Variants in EFNB1 observed in about 807,000 individuals in gnomAD.
EFNB1 encodes ephrin-B1.
A neutral mutation model predicts 18.1 loss-of-function variants in EFNB1; 1 was observed. The ratio of observed to expected loss-of-function variants is 0.06; its 90% CI spans 0.02 to 0.26. The LOEUF (loss-of-function observed/expected upper bound fraction) is 0.26, where lower values mean the gene tolerates loss of function less well. Among genes scored for constraint, EFNB1 ranks in the 10% least tolerant of loss-of-function variants. EFNB1 has a pLI of 1.00. For synonymous variants in EFNB1, 131 were observed against 127.5 expected (o/e 1.03, Z -0.19); for missense variants, 221 against 301.8 (o/e 0.73, Z 1.98).
At chrX:68,839,030 G>C (rs1197599254) in intron 2 of EFNB1, 136 bp downstream of exon 2, 18 of 871,050 alleles carry the variant, frequency 2.1e-5, no homozygotes, top group Non-Finnish European at 2.9e-5. Flanking sequence ...CCCCTTTGAA[G>C]ACTGGCATGT....
chrX:68,829,771 G>T lies in EFNB1; in HGVS notation c.-6G>T. 8.4e-7 allele frequency: 1 copy of T among 1,190,320 alleles called. No individual in the cohort carries two copies. The highest frequency in any genetic ancestry group is 2.3e-5 in the Admixed American group (1 of 42,848). ...GGATCCCGAAGTGCAGTCTGCCCCCGGGAAGATGGCTCGGCCTGGGCAGCG... is the reference window on the plus strand; with the variant it reads ...GGATCCCGAAGTGCAGTCTGCCCCCTGGAAGATGGCTCGGCCTGGGCAGCG... On this transcript the variant is annotated 5_prime_UTR_variant, in exon 1 of 5. Coordinates refer to ENST00000204961, the MANE Select transcript of EFNB1 (RefSeq NM_004429.5).
intron 1 of EFNB1, among the ~76,000 whole-genome samples, chrX:68,835,762 ACT>A (rs1292300070): frequency 9.0e-6 from 1 of 110,639 alleles, no homozygotes; most frequent in Non-Finnish European, 1.9e-5. Context: ...GGTTGAAGAG[ACT>A]CTGAGGGGTT....
intron 1 of EFNB1, among the ~76,000 whole-genome samples, chrX:68,833,056 C>T (rs1185475306): frequency 2.8e-5 from 3 of 106,649 alleles, no homozygotes; most frequent in Non-Finnish European, 5.8e-5. Context: ...GATCACATTA[C>T]AAACATTCCC....
chrX:68,836,013 A>G (rs1047537134), intron 1 of EFNB1, among the ~76,000 whole-genome samples: 9 of 111,535 alleles, frequency 8.1e-5, no homozygotes, highest in African/African-American at 2.9e-4. Context: ...CGTGCCCTCT[A>G]TGTAGCTGCA....
At chrX:68,838,186 C>T (rs1447522125) in intron 1 of EFNB1, among the ~76,000 whole-genome samples, 5 of 83,383 alleles carry the variant, frequency 6.0e-5, no homozygotes, top group African/African-American at 1.4e-4. Flanking sequence ...CGCGCGCGCG[C>T]GCACGTGTGT....
chrX:68,840,891 G>T lies in EFNB1; in HGVS notation c.*237G>T, dbSNP rs1434132825. On this transcript the variant is annotated 3_prime_UTR_variant, in exon 5 of 5. Coordinates refer to ENST00000204961, the MANE Select transcript of EFNB1 (RefSeq NM_004429.5). ...TCTGGCCAGGCCTCTGGGCTCCGTG[G>T]GGGCGCCCCTTCTTGGAAGGCAGGG... 4.7e-6 allele frequency: 2 copies of T among 427,519 alleles called. No homozygotes were observed. Among genetic ancestry groups the T allele is most frequent in the Non-Finnish European group, 8.1e-6 (2 of 246,073 alleles). The allele number at this position is 427,519 out of a possible 1,213,427, so 35.2% of individuals were successfully genotyped here.
Position 68,829,753 on chromosome X carries a change from G to T in EFNB1, c.-24G>T, listed in dbSNP as rs749239215. 8.5e-7 allele frequency: 1 copy of T among 1,182,580 alleles called. No homozygotes were observed. The highest frequency in any genetic ancestry group is 2.4e-5 in the Admixed American group (1 of 41,444). The stretch of plus-strand genomic sequence containing the variant: ...TGGTGAGGAGGCGCCAAGGGATCCC[G>T]AAGTGCAGTCTGCCCCCGGGAAGAT... On this transcript the variant is annotated 5_prime_UTR_variant, in exon 1 of 5. Coordinates refer to ENST00000204961, the MANE Select transcript of EFNB1 (RefSeq NM_004429.5).
rs1233229144 is a variant in EFNB1, at chrX:68,829,716, C to CGAGGCGAGCTTTGGTGAG, written c.-54_-37dup. ...CCGAGCGCAGCGCGGCAGAGGAAGGCGAGGCGAGCTTTGGTGAGGAGGCGC... is the reference window on the plus strand; with the variant it reads ...CCGAGCGCAGCGCGGCAGAGGAAGGCGAGGCGAGCTTTGGTGAGGAGGCGAGCTTTGGTGAGGAGGCGC... On this transcript the variant is annotated 5_prime_UTR_variant, in exon 1 of 5. Transcript: ENST00000204961. 9.4e-6 allele frequency: 11 copies of CGAGGCGAGCTTTGGTGAG among 1,165,000 alleles called. No homozygotes were observed. The highest frequency in any genetic ancestry group is 1.3e-5 in the Non-Finnish European group (11 of 873,015).
rs1179098183 is a variant in EFNB1, at chrX:68,840,803, G to GC, written c.*154dup. 1.4e-5 allele frequency: 9 copies of GC among 658,747 alleles called. No homozygotes were observed. The highest frequency in any genetic ancestry group is 1.1e-4 in the East Asian group (3 of 27,953). 54.3% of individuals were successfully genotyped at this position (658,747 alleles called of 1,213,427 possible). On this transcript the variant is annotated 3_prime_UTR_variant, in exon 5 of 5. Coordinates refer to ENST00000204961, the MANE Select transcript of EFNB1 (RefSeq NM_004429.5). ...GCTTTTATAATCCCCCTTTTTCCCT[G>GC]CCCCCTGGGCTTCGGAGGGGGGTGC...
At chrX:68,839,445 T>G (rs1469465484) in intron 2 of EFNB1, among the ~76,000 whole-genome samples, 1 of 112,380 alleles carries the variant, frequency 8.9e-6, no homozygotes, top group East Asian at 2.8e-4. Context: ...GCAGTGCCCC[T>G]GGGGGTGGGG....
At chrX:68,835,397 G>T (rs917747475) in intron 1 of EFNB1, among the ~76,000 whole-genome samples, 1 of 111,480 alleles carries the variant, frequency 9.0e-6, no homozygotes, top group Non-Finnish European at 1.9e-5. Context: ...GTTTCACTTC[G>T]GGATATCTCT....
rs777846246 is a variant in EFNB1, at chrX:68,838,803, G to A, written c.315G>A (p.Glu105=). ...PNVLVTCNRP[E]QEIRFTIKFQ... is the part of the protein sequence containing the mutation. The stretch of plus-strand genomic sequence containing the variant: ...TGTTGGTCACCTGCAATAGGCCAGA[G>A]CAGGAAATACGCTTTACCATCAAGT... The change falls in exon 2 of 5, where the codon GAG becomes GAA. Residue 105 remains glutamate (E), a synonymous_variant. Transcript: ENST00000204961. 2 of 1,207,634 alleles carry A rather than the reference G, an allele frequency of 1.7e-6. No individual in the cohort carries two copies. The highest frequency in any genetic ancestry group is 5.9e-5 in the East Asian group (2 of 33,674).
At chrX:68,834,450 G>T (rs1173144343) in intron 1 of EFNB1, among the ~76,000 whole-genome samples, 1 of 113,111 alleles carries the variant, frequency 8.8e-6, no homozygotes, top group Non-Finnish European at 1.9e-5. Context: ...GACTCTCCTG[G>T]CTTCCCTGCC....
chrX:68,841,077 A>T lies in EFNB1; in HGVS notation c.*423A>T, dbSNP rs2080477168. ...TCAACTCATTTTCATCTGTTTTTTG[A>T]AGAAAAATGGAAAAATGTAAAAGGC... On this transcript the variant is annotated 3_prime_UTR_variant, in exon 5 of 5. Transcript: ENST00000204961. 6.3e-6 allele frequency: 1 copy of T among 158,086 alleles called. No individual in the cohort carries two copies. Among genetic ancestry groups the T allele is most frequent in the Non-Finnish European group, 1.2e-5 (1 of 82,022 alleles). 13.0% of individuals were successfully genotyped at this position (158,086 alleles called of 1,213,427 possible).
rs2080475108 is a variant in EFNB1 at position 68,840,579 on chromosome X, G to C, written c.966G>C (p.Gly322=). 2 of 1,209,538 alleles carry C rather than the reference G, an allele frequency of 1.7e-6. No individual in the cohort carries two copies. The highest frequency in any genetic ancestry group is 1.8e-5 in the South Asian group (1 of 56,531). ...GCCCCCACTATGAGAAGGTGAGTGG[G>C]GACTACGGGCACCCTGTCTACATCG... ...NYCPHYEKVS[G]DYGHPVYIVQ... The change falls in exon 5 of 5, where the codon GGG becomes GGC. Residue 322 remains glycine (G), a synonymous_variant. Transcript: ENST00000204961.
In EFNB1 at chrX:68,839,660, G is replaced by A. The variant is rs1312015900; in HGVS notation, c.407-4G>A. Reference sequence around the variant, plus strand: ...TCTCTGACTTCTCTGGCCTCTTCCTGCAGCAACATCCAATGGAAGCCTGGA... The same window carrying A: ...TCTCTGACTTCTCTGGCCTCTTCCTACAGCAACATCCAATGGAAGCCTGGA... On this transcript the variant is annotated splice_region_variant and splice_polypyrimidine_tract_variant and intron_variant, in intron 2 of 4. Coordinates refer to ENST00000204961, the MANE Select transcript of EFNB1 (RefSeq NM_004429.5). 1.7e-6 allele frequency: 2 copies of A among 1,210,548 alleles called. No homozygotes were observed.
In EFNB1 at chrX:68,840,610, G is replaced by A; in HGVS notation, c.997G>A (p.Glu333Lys). The A allele has an allele frequency of 4.1e-6, 5 of 1,210,651 alleles. No homozygotes were observed. Among genetic ancestry groups the A allele is most frequent in the Non-Finnish European group, 5.6e-6 (5 of 895,012 alleles). The change falls in exon 5 of 5, where the codon GAG becomes AAG. Residue 333 changes from glutamate to lysine, a missense_variant. Coordinates refer to ENST00000204961, the MANE Select transcript of EFNB1 (RefSeq NM_004429.5). ...CGGGCACCCTGTCTACATCGTCCAA[G>A]AGATGCCGCCCCAGAGCCCGGCGAA... ...DYGHPVYIVQ[E>K]MPPQSPANIY...
At position 68,833,130 on chromosome X, in the gene EFNB1, G is replaced by C. The variant is rs750296849; in HGVS notation, c.128+3226G>C. On this transcript the variant is annotated intron_variant, in intron 1 of 4. Coordinates refer to ENST00000204961, the MANE Select transcript of EFNB1 (RefSeq NM_004429.5). The stretch of plus-strand genomic sequence containing the variant: ...CAGGACCCTTGACTCCAGCATGGGT[G>C]GGGGCAGCTGCAGACCCCAACCCAT... Among the ~76,000 whole-genome samples the C allele has an allele frequency of 2.7e-5, 3 of 111,136 alleles. No individual in the cohort carries two copies. The East Asian group carries it at 8.7e-4, about 32-fold the overall frequency.
intron 1 of EFNB1, among the ~76,000 whole-genome samples, chrX:68,837,111 A>G (rs1286188358): frequency 9.0e-6 from 1 of 111,061 alleles, no homozygotes; most frequent in African/African-American, 3.3e-5. Context: ...ATCCTCACAC[A>G]TACCTACAGA....
Sources: gnomAD v4.1 joint callset for allele counts (sites outside exome capture counted in the v4.1 genomes callset) on GRCh38, gnomAD v4.1.1 for gene constraint, MANE v1.5 for transcripts, NCBI Gene and HGNC (gene_info 2026-07-23, HGNC 2026-07-21) for gene names.